Variants in RNF212B observed in about 807,000 individuals in gnomAD.
The protein encoded by RNF212B is ring finger protein 212B.
Under a neutral mutation model 55.5 loss-of-function variants are expected in RNF212B, and 52 were observed. The observed-to-expected ratio is 0.94, with a 90% CI of 0.75 to 1.18. RNF212B has a LOEUF of 1.18. Ranked by LOEUF, RNF212B falls within the 50% of genes most tolerant of loss-of-function variation. The probability of loss-of-function intolerance (pLI) is 0.00; values close to 1 mark genes in which losing one functional copy is unlikely to be tolerated. For missense variants in RNF212B, 289 were observed against 350.4 expected, an observed-to-expected ratio of 0.82 and a Z score of 1.40; for synonymous variants, 99 against 121.4, an observed-to-expected ratio of 0.82 and a Z score of 1.21.
chr14:23,210,776 C>CAAAAAAAAAAAAAAAAAAA (rs1160221876), intron 2 of RNF212B, among the ~76,000 whole-genome samples: 5 of 60,822 alleles, frequency 8.2e-5, no homozygotes, highest in African/African-American at 3.8e-4. Context: ...GACTCTGTCT[C>CAAAAAAAAAAAAAAAAAAA]AAAAAAAAAA....
chr14:23,217,101 T>C (rs113481207), intron 2 of RNF212B, among the ~76,000 whole-genome samples: 1,924 of 152,122 alleles, frequency 0.013, 39 homozygotes, highest in African/African-American at 0.042. Flanking sequence ...CTGAACCTGC[T>C]ATGGACCAGA....
chr14:23,221,233 G>GAAAAAAAAAA (rs71119004), intron 2 of RNF212B, among the ~76,000 whole-genome samples: 1 of 116,102 alleles, frequency 8.6e-6, no homozygotes. Context: ...CTGAAAATAG[G>GAAAAAAAAAA]AAAAAAAAAA....
chr14:23,243,344 C>T, intron 3 of RNF212B, 36 bp downstream of exon 3: 1 of 1,500,592 alleles, frequency 6.7e-7, no homozygotes, highest in Non-Finnish European at 9.1e-7. Context: ...ACTGTCTCAT[C>T]CCATTCCTGG....
intron 2 of RNF212B, among the ~76,000 whole-genome samples, chr14:23,205,887 A>G (rs1380922431): frequency 6.6e-6 from 1 of 152,244 alleles, no homozygotes; most frequent in East Asian, 1.9e-4. Context: ...ATAGTTTTGT[A>G]ACTTCTATGC....
intron 2 of RNF212B, among the ~76,000 whole-genome samples, chr14:23,204,361 C>A (rs1037342294): frequency 6.6e-6 from 1 of 152,126 alleles, no homozygotes; most frequent in Non-Finnish European, 1.5e-5. Context: ...AGTTTCAGGT[C>A]TTAGATTTAA....
intron 7 of RNF212B, among the ~76,000 whole-genome samples, chr14:23,261,763 C>T (rs1036942584): frequency 4.6e-5 from 7 of 152,116 alleles, no homozygotes; most frequent in Middle Eastern, 3.2e-3. Flanking sequence ...AGATTGAGAC[C>T]GTTCTGGCTA....
At chr14:23,231,719 C>G (rs962121532) in intron 2 of RNF212B, among the ~76,000 whole-genome samples, 4 of 150,474 alleles carry the variant, frequency 2.7e-5, no homozygotes, top group African/African-American at 9.7e-5. Flanking sequence ...GCTGCCATCT[C>G]GGCTCACTGC....
chr14:23,202,233 A>G (rs1411543581), intron 2 of RNF212B, among the ~76,000 whole-genome samples: 1 of 139,212 alleles, frequency 7.2e-6, no homozygotes, highest in East Asian at 2.1e-4. Flanking sequence ...CCTGGGCAAC[A>G]GAACAAGACC....
intron 2 of RNF212B, among the ~76,000 whole-genome samples, chr14:23,229,025 C>G (rs1882288086): frequency 1.3e-5 from 2 of 151,842 alleles, no homozygotes; most frequent in Admixed American, 1.3e-4. Flanking sequence ...CTTCCTATCT[C>G]TCATACCCCT....
At chr14:23,188,121 C>G (rs1166749665) in intron 1 of RNF212B, 1 of 152,068 alleles carries the variant, frequency 6.6e-6, no homozygotes, top group Non-Finnish European at 1.5e-5. Flanking sequence ...TGCAGCTGAC[C>G]CTGCTTTGTT....
intron 2 of RNF212B, among the ~76,000 whole-genome samples, chr14:23,231,284 T>C (rs1397239339): frequency 6.6e-6 from 1 of 152,206 alleles, no homozygotes; most frequent in African/African-American, 2.4e-5. Context: ...TTCCTAAATA[T>C]TTTATCCTTC....
At chr14:23,255,398 C>T (rs143319865) in intron 4 of RNF212B, among the ~76,000 whole-genome samples, 5 of 152,234 alleles carry the variant, frequency 3.3e-5, no homozygotes, top group African/African-American at 9.6e-5. Flanking sequence ...ATATCCTTAC[C>T]TGGTCCTAGT....
intron 2 of RNF212B, among the ~76,000 whole-genome samples, chr14:23,209,629 T>G (rs936211998): frequency 6.6e-6 from 1 of 152,194 alleles, no homozygotes; most frequent in South Asian, 2.1e-4. Context: ...ATGTAGATAC[T>G]TTTTCTTGCA....
In RNF212B at chr14:23,229,261, T is replaced by TATATATAC. The variant is rs558232357; in HGVS notation, c.-1-11083_-1-11082insTATATACA. Reference sequence around the variant, plus strand: ...ATATATATATATATATATATATATATACCACATTGTTTATCCATTCATCTA... The same window carrying TATATATAC: ...ATATATATATATATATATATATATATATATATACACCACATTGTTTATCCATTCATCTA... On this transcript the variant is annotated intron_variant, in intron 2 of 15. Coordinates refer to the RNF212B transcript ENST00000399910. 6.4e-3 allele frequency among the ~76,000 whole-genome samples: 814 copies of TATATATAC among 127,008 alleles called. 21 individuals are homozygous for TATATATAC. Among genetic ancestry groups the TATATATAC allele is most frequent in the South Asian group, 0.01 (42 of 4,004 alleles). 83.3% of individuals were successfully genotyped at this position (127,008 alleles called of 152,430 possible).
At chr14:23,201,280 CT>C (rs1879264496) in intron 2 of RNF212B, among the ~76,000 whole-genome samples, 1 of 152,166 alleles carries the variant, frequency 6.6e-6, no homozygotes, top group Non-Finnish European at 1.5e-5. Flanking sequence ...ATAAAACCAT[CT>C]TCTAAAGAGA....
intron 2 of RNF212B, among the ~76,000 whole-genome samples, chr14:23,208,907 C>T (rs551729532): frequency 4.6e-5 from 7 of 151,484 alleles, no homozygotes; most frequent in South Asian, 4.2e-4. Flanking sequence ...TACAGGTGCC[C>T]GCCACTACGC....
chr14:23,247,218 G>A (rs1338921322), intron 4 of RNF212B, among the ~76,000 whole-genome samples: 1 of 151,398 alleles, frequency 6.6e-6, no homozygotes, highest in Non-Finnish European at 1.5e-5. Context: ...TAGTTTTCAT[G>A]CAATCACCTT....
intron 2 of RNF212B, among the ~76,000 whole-genome samples, chr14:23,208,255 C>G (rs1383844499): frequency 6.6e-6 from 1 of 152,194 alleles, no homozygotes; most frequent in Non-Finnish European, 1.5e-5. Flanking sequence ...GATGTGGTGG[C>G]TCACACTTGT....
intron 2 of RNF212B, among the ~76,000 whole-genome samples, chr14:23,203,838 T>C (rs1420164353): frequency 1.1e-4 from 17 of 152,194 alleles, no homozygotes; most frequent in Admixed American, 1.1e-3. Context: ...CTAGTTTACA[T>C]TACCACCAGT....
Sources: gnomAD v4.1 joint callset for allele counts (sites outside exome capture counted in the v4.1 genomes callset) on GRCh38, gnomAD v4.1.1 for gene constraint, MANE v1.5 for transcripts, NCBI Gene and HGNC (gene_info 2026-07-23, HGNC 2026-07-21) for gene names.